OSBPL3: variants seen among roughly 807,000 people sequenced by gnomAD.
The protein encoded by OSBPL3 is oxysterol-binding protein-related protein 3.
OSBPL3 carries 65 observed loss-of-function variants against 120.1 expected under a neutral mutation model. The ratio of observed to expected loss-of-function variants is 0.54; its 90% CI spans 0.44 to 0.67. The LOEUF (loss-of-function observed/expected upper bound fraction) is 0.67, where lower values mean the gene tolerates loss of function less well. Among genes scored for constraint, OSBPL3 ranks in the 30% least tolerant of loss-of-function variants. The pLI, the probability that OSBPL3 is intolerant of heterozygous loss-of-function variation, is 0.00. For missense variants in OSBPL3, 1,004 were observed against 1,082.1 expected (o/e 0.93, Z 1.01); for synonymous variants, 416 against 402.6 (o/e 1.03, Z -0.40).
chr7:24,885,692 C>T (rs1292235465), intron 2 of OSBPL3, among the ~76,000 whole-genome samples: 1 of 152,186 alleles, frequency 6.6e-6, no homozygotes, highest in East Asian at 1.9e-4. Context: ...CTCTCTTTAC[C>T]ACTCATACTC....
rs555103183 is a variant in OSBPL3 at position 24,925,368 on chromosome 7, G to A, written c.-149-32747C>T. Among the ~76,000 whole-genome samples the A allele has an allele frequency of 8.5e-5, 13 of 152,294 alleles. No homozygotes were observed. In the South Asian group the frequency reaches 2.7e-3, roughly 32 times the overall value. On this transcript the variant is annotated intron_variant, in intron 1 of 22. Transcript: ENST00000313367. ...GGGGTGATGTCTGCCTATAATACAT[G>A]TGGCCAGATGTCTTTTCAAGAAAAG...
chr7:24,854,723 C>G lies in OSBPL3; in HGVS notation c.1028-2089G>C, dbSNP rs1312644893. ...CCACCATCAGCCCTGGATTCTTCCC[C>G]ACTCCATCACCTATTAACTCCATGA... On this transcript the variant is annotated intron_variant, in intron 10 of 22. Transcript: ENST00000313367. The surrounding 1 kb of genome is among the most constrained non-coding windows in gnomAD (Gnocchi z 4.1). 1.3e-5 allele frequency among the ~76,000 whole-genome samples: 2 copies of G among 152,196 alleles called. No individual in the cohort carries two copies. Among genetic ancestry groups the G allele is most frequent in the Non-Finnish European group, 2.9e-5 (2 of 68,028 alleles).
In OSBPL3 at chr7:24,821,074, A is replaced by G. The variant is rs1279018595; in HGVS notation, c.1885-836T>C. Among the ~76,000 whole-genome samples the G allele has an allele frequency of 6.6e-6, 1 of 152,220 alleles. No individual in the cohort carries two copies. Among genetic ancestry groups the G allele is most frequent in the African/African-American group, 2.4e-5 (1 of 41,448 alleles). Reference sequence around the variant, plus strand: ...ACACTCAGGGAACGTTGAGAGGTGTATATGCTGTCATTCTAATTCAGCACT... The same window carrying G: ...ACACTCAGGGAACGTTGAGAGGTGTGTATGCTGTCATTCTAATTCAGCACT... On this transcript the variant is annotated intron_variant, in intron 16 of 22. Coordinates refer to ENST00000313367, the MANE Select transcript of OSBPL3 (RefSeq NM_015550.4). The surrounding 1 kb of genome is among the most constrained non-coding windows in gnomAD (Gnocchi z 5.5).
intron 1 of OSBPL3, among the ~76,000 whole-genome samples, chr7:24,957,125 G>A (rs1047958732): frequency 2.9e-4 from 44 of 151,730 alleles, no homozygotes; most frequent in African/African-American, 1.0e-3. Context: ...TAGGCCCATT[G>A]CTTCCAATAA....
rs1376213504 is a variant in OSBPL3 at position 24,808,713 on chromosome 7, T to C, written c.2317+1094A>G. 2.6e-5 allele frequency among the ~76,000 whole-genome samples: 4 copies of C among 152,224 alleles called. No individual in the cohort carries two copies. Among genetic ancestry groups the C allele is most frequent in the African/African-American group, 4.8e-5 (2 of 41,446 alleles). On this transcript the variant is annotated intron_variant, in intron 20 of 22. Coordinates refer to ENST00000313367, the MANE Select transcript of OSBPL3 (RefSeq NM_015550.4). This position sits in a 1 kb window ranked among gnomAD's most constrained non-coding sequence, Gnocchi z 4.6. Reference sequence around the variant, plus strand: ...GAATACTGATTCTGTTCAAATGGCATTGTGCCCTTACTGGGGATTAATCCA... The same window carrying C: ...GAATACTGATTCTGTTCAAATGGCACTGTGCCCTTACTGGGGATTAATCCA...
Position 24,893,987 on chromosome 7 carries a change from C to CAT in OSBPL3, c.-149-1368_-149-1367dup, listed in dbSNP as rs140075725. ...GGTTAACAACATCAAAATATACATA[C>CAT]ATATATATATATATCTCCAACCCAT... On this transcript the variant is annotated intron_variant, in intron 1 of 22. Transcript: ENST00000313367. 1.9e-3 allele frequency among the ~76,000 whole-genome samples: 291 copies of CAT among 150,938 alleles called. 1 individual carries two copies. Among genetic ancestry groups the CAT allele is most frequent in the African/African-American group, 5.2e-3 (213 of 41,198 alleles).
At chr7:24,909,227 G>A (rs929198223) in intron 1 of OSBPL3, among the ~76,000 whole-genome samples, 5 of 152,154 alleles carry the variant, frequency 3.3e-5, no homozygotes, top group African/African-American at 1.2e-4. Flanking sequence ...TTTAATAATA[G>A]AACTCTCGAG....
rs1013098967 is a variant in OSBPL3 at position 24,871,312 on chromosome 7, G to A, written c.267+430C>T. Among the ~76,000 whole-genome samples the A allele has an allele frequency of 6.6e-6, 1 of 152,190 alleles. No individual in the cohort carries two copies. Among genetic ancestry groups the A allele is most frequent in the African/African-American group, 2.4e-5 (1 of 41,440 alleles). Reference sequence around the variant, plus strand: ...AGAGTAGGACTCCTACAAGGGACAGGACAAATGGTCATTCACACACAGAGC... The same window carrying A: ...AGAGTAGGACTCCTACAAGGGACAGAACAAATGGTCATTCACACACAGAGC... On this transcript the variant is annotated intron_variant, in intron 4 of 22. Transcript: ENST00000313367. This position sits in a 1 kb window ranked among gnomAD's most constrained non-coding sequence, Gnocchi z 4.8.
intron 5 of OSBPL3, among the ~76,000 whole-genome samples, chr7:24,866,602 C>T (rs1014412348): frequency 2.6e-5 from 4 of 152,002 alleles, no homozygotes; most frequent in African/African-American, 9.7e-5. Flanking sequence ...GATTGAGCCA[C>T]TGCACTCCAG....
chr7:24,964,076 T>C lies in OSBPL3; in HGVS notation c.-150+15810A>G, dbSNP rs1182175535. ...TACTACTAAATTATAATCCAAAGTATATAATAAATATCAATGGATCCACAC... is the reference window on the plus strand; with the variant it reads ...TACTACTAAATTATAATCCAAAGTACATAATAAATATCAATGGATCCACAC... On this transcript the variant is annotated intron_variant, in intron 1 of 22. Coordinates refer to ENST00000313367, the MANE Select transcript of OSBPL3 (RefSeq NM_015550.4). The surrounding 1 kb of genome is among the most constrained non-coding windows in gnomAD (Gnocchi z 4.2). 3.3e-5 allele frequency among the ~76,000 whole-genome samples: 5 copies of C among 151,914 alleles called. No homozygotes were observed. The highest frequency in any genetic ancestry group is 7.4e-5 in the Non-Finnish European group (5 of 67,948).
intron 1 of OSBPL3, among the ~76,000 whole-genome samples, chr7:24,929,122 T>A (rs1428468489): frequency 6.6e-6 from 1 of 152,212 alleles, no homozygotes; most frequent in Non-Finnish European, 1.5e-5. Flanking sequence ...ACAGCTCTAG[T>A]TGCTCCACAT....
intron 1 of OSBPL3, among the ~76,000 whole-genome samples, chr7:24,926,560 C>T (rs1811073212): frequency 6.6e-6 from 1 of 152,194 alleles, no homozygotes; most frequent in Admixed American, 6.5e-5. Flanking sequence ...CACAAATCCA[C>T]TTGCAGTTCT....
rs1813869159 is a variant in OSBPL3 at position 24,947,524 on chromosome 7, G to A, written c.-150+32362C>T. Among the ~76,000 whole-genome samples, 2 of 152,050 alleles carry A rather than the reference G, an allele frequency of 1.3e-5. No individual in the cohort carries two copies. The highest frequency in any genetic ancestry group is 4.8e-5 in the African/African-American group (2 of 41,384). On this transcript the variant is annotated intron_variant, in intron 1 of 22. Coordinates refer to ENST00000313367, the MANE Select transcript of OSBPL3 (RefSeq NM_015550.4). The surrounding 1 kb of genome is among the most constrained non-coding windows in gnomAD (Gnocchi z 4.4). Reference sequence around the variant, plus strand: ...ATTTCACAGAAACTACCTTTCCTCAGTCCCTATCAAGAAATGAATTTCAAA... The same window carrying A: ...ATTTCACAGAAACTACCTTTCCTCAATCCCTATCAAGAAATGAATTTCAAA...
In OSBPL3 at chr7:24,940,675, G is replaced by C. The variant is rs957830699; in HGVS notation, c.-150+39211C>G. On this transcript the variant is annotated intron_variant, in intron 1 of 22. Coordinates refer to ENST00000313367, the MANE Select transcript of OSBPL3 (RefSeq NM_015550.4). The surrounding 1 kb of genome is among the most constrained non-coding windows in gnomAD (Gnocchi z 4.4). ...TAAAACCAAGGAGATGAGGAACGGTGAATGAAGATGTCAGGTAAGTCCTCA... is the reference window on the plus strand; with the variant it reads ...TAAAACCAAGGAGATGAGGAACGGTCAATGAAGATGTCAGGTAAGTCCTCA... 6.6e-6 allele frequency among the ~76,000 whole-genome samples: 1 copy of C among 152,086 alleles called. No homozygotes were observed. The highest frequency in any genetic ancestry group is 6.5e-5 in the Admixed American group (1 of 15,268).
chr7:24,904,528 A>G (rs1807567888), intron 1 of OSBPL3, among the ~76,000 whole-genome samples: 1 of 152,234 alleles, frequency 6.6e-6, no homozygotes. Context: ...TTAAATATAC[A>G]GGAGGATGTG....
At chr7:24,885,889 G>A (rs1804458112) in intron 2 of OSBPL3, among the ~76,000 whole-genome samples, 1 of 152,152 alleles carries the variant, frequency 6.6e-6, no homozygotes, top group Non-Finnish European at 1.5e-5. Flanking sequence ...TCTTTATCAA[G>A]CTAATCTGGC....
chr7:24,823,483 T>A (rs1242477418), intron 16 of OSBPL3, among the ~76,000 whole-genome samples: 1 of 152,134 alleles, frequency 6.6e-6, no homozygotes, highest in Non-Finnish European at 1.5e-5. Context: ...GCTTCCCCAA[T>A]GCCACAACAT....
At chr7:24,960,859 A>C (rs1166560854) in intron 1 of OSBPL3, among the ~76,000 whole-genome samples, 3 of 152,186 alleles carry the variant, frequency 2.0e-5, no homozygotes, top group Non-Finnish European at 4.4e-5. Context: ...CTCCAAAAAG[A>C]AATAAGAAAA....
At position 24,972,388 on chromosome 7, in the gene OSBPL3, T is replaced by A. The variant is rs1817125634; in HGVS notation, c.-150+7498A>T. The stretch of plus-strand genomic sequence containing the variant: ...TCCTTCAGCAACCTGAATCACAACC[T>A]ACAGAAAAATGGAACCTTTCTCTCC... On this transcript the variant is annotated intron_variant, in intron 1 of 22. Coordinates refer to ENST00000313367, the MANE Select transcript of OSBPL3 (RefSeq NM_015550.4). This position sits in a 1 kb window ranked among gnomAD's most constrained non-coding sequence, Gnocchi z 4.3. Among the ~76,000 whole-genome samples, 2 of 152,186 alleles carry A rather than the reference T, an allele frequency of 1.3e-5. No individual in the cohort carries two copies. Among genetic ancestry groups the A allele is most frequent in the African/African-American group, 4.8e-5 (2 of 41,438 alleles).
Sources: gnomAD v4.1 joint callset for allele counts (sites outside exome capture counted in the v4.1 genomes callset) on GRCh38, gnomAD v4.1.1 for gene constraint, Gnocchi (gnomAD v3.1) non-coding constraint, MANE v1.5 for transcripts, NCBI Gene and HGNC (gene_info 2026-07-23, HGNC 2026-07-21) for gene names.